Variants in RPS8 observed in about 807,000 individuals in gnomAD.
RPS8 encodes small ribosomal subunit protein eS8.
For missense variants in RPS8, 141 were observed against 269.7 expected, an observed-to-expected ratio of 0.52 and a Z score of 3.34; for synonymous variants, 100 against 100.7, an observed-to-expected ratio of 0.99 and a Z score of 0.04.
Position 44,777,743 on chromosome 1 carries a change from A to C in RPS8, c.341A>C (p.Glu114Ala). The C allele has an allele frequency of 6.2e-7, 1 of 1,614,038 alleles. No individual in the cohort carries two copies. The highest frequency in any genetic ancestry group is 1.7e-5 in the Admixed American group (1 of 60,030). Residue 114 changes from glutamate (E) to alanine (A), a missense_variant, in exon 4 of 6, where the codon GAG (glutamate) becomes GCG (alanine). Transcript: ENST00000396651. Reference protein sequence around the residue: ...IDSTPYRQWYESHYALPLGRK... With the variant: ...IDSTPYRQWYASHYALPLGRK... Reference sequence around the variant, plus strand: ...AGCACACCGTACCGACAGTGGTACGAGTCCCACTATGCGCTGCCCCTGGGC... The same window carrying C: ...AGCACACCGTACCGACAGTGGTACGCGTCCCACTATGCGCTGCCCCTGGGC...
chr1:44,776,210 T>G, intron 2 of RPS8, 70 bp downstream of exon 2: 1 of 1,121,358 alleles, frequency 8.9e-7, no homozygotes, highest in South Asian at 1.5e-5. Flanking sequence ...CTCGGGTCTT[T>G]CCGTGTGACA....
Position 44,777,734 on chromosome 1 carries a change from A to G in RPS8, c.332A>G (p.Gln111Arg). 6.2e-7 allele frequency: 1 copy of G among 1,614,132 alleles called. No individual in the cohort carries two copies. Among genetic ancestry groups the G allele is most frequent in the Non-Finnish European group, 8.5e-7 (1 of 1,179,946 alleles). Residue 111 changes from glutamine (Q) to arginine (R), a missense_variant, in exon 4 of 6, where the codon CAG (glutamine) becomes CGG (arginine). Physicochemically the swap from Gln to Arg is conservative, Grantham distance 43 (BLOSUM62 1). Transcript: ENST00000396651. ...IVLIDSTPYR[Q>R]WYESHYALPL... Reference sequence around the variant, plus strand: ...CTCATCGACAGCACACCGTACCGACAGTGGTACGAGTCCCACTATGCGCTG... The same window carrying G: ...CTCATCGACAGCACACCGTACCGACGGTGGTACGAGTCCCACTATGCGCTG...
Position 44,777,609 on chromosome 1 carries a change from A to G in RPS8, c.212-5A>G. The G allele has an allele frequency of 6.2e-7, 1 of 1,611,878 alleles. No homozygotes were observed. Among genetic ancestry groups the G allele is most frequent in the Non-Finnish European group, 8.5e-7 (1 of 1,178,350 alleles). On this transcript the variant is annotated splice_region_variant and splice_polypyrimidine_tract_variant and intron_variant, in intron 3 of 5. Coordinates refer to ENST00000396651, the MANE Select transcript of RPS8 (RefSeq NM_001012.2). ...TACTTGATGCCAAATTTCTCCTGTGAGCAGGTTGTACTCGTAAAACAAGGA... is the reference window on the plus strand; with the variant it reads ...TACTTGATGCCAAATTTCTCCTGTGGGCAGGTTGTACTCGTAAAACAAGGA...
At position 44,775,613 on chromosome 1, in the gene RPS8, C is replaced by A. The variant is rs12120833; in HGVS notation, c.4+13C>A. On this transcript the variant is annotated intron_variant, in intron 1 of 5. Coordinates refer to ENST00000396651, the MANE Select transcript of RPS8 (RefSeq NM_001012.2). ...CGCCGAGCGATGGGTGAGTGTCGCT[C>A]TGCATTGAGGCGGGTGAAGGGAGGT... 6.2e-7 allele frequency: 1 copy of A among 1,614,040 alleles called. No homozygotes were observed. The highest frequency in any genetic ancestry group is 8.5e-7 in the Non-Finnish European group (1 of 1,179,938).
intron 4 of RPS8, 34 bp downstream of exon 4, chr1:44,777,823 G>A: frequency 6.2e-7 from 1 of 1,610,246 alleles, no homozygotes; most frequent in South Asian, 1.1e-5. Flanking sequence ...GTTGTGGGGA[G>A]GGCAGCCTGA....
At chr1:44,776,914 G>C (rs1418273685) in intron 3 of RPS8, 140 bp downstream of exon 3, 1 of 584,118 alleles carries the variant, frequency 1.7e-6, no homozygotes, top group East Asian at 3.0e-5. Context: ...CTGAGGTCAG[G>C]AGTTCGAGTC....
chr1:44,777,866 G>C, intron 4 of RPS8, 77 bp downstream of exon 4: 1 of 1,578,812 alleles, frequency 6.3e-7, no homozygotes, highest in South Asian at 1.1e-5. Flanking sequence ...ACTCTGTCCA[G>C]TTCTGCTACT....
chr1:44,777,186 C>T (rs1650886950), intron 3 of RPS8: 1 of 209,752 alleles, frequency 4.8e-6, no homozygotes, highest in East Asian at 1.3e-4. Flanking sequence ...ATTCTCCTGC[C>T]TCAGCCTCCC....
chr1:44,776,699 G>C lies in RPS8; in HGVS notation c.136G>C (p.Val46Leu), dbSNP rs759612522. The C allele has an allele frequency of 6.2e-7, 1 of 1,614,028 alleles. No homozygotes were observed. The highest frequency in any genetic ancestry group is 8.5e-7 in the Non-Finnish European group (1 of 1,179,966). ...GATTGGCCCCCGCCGCATCCACACA[G>C]TCCGTGTGCGGGGAGGTAACAAGAA... ...TKIGPRRIHT[V>L]RVRGGNKKYR... The change falls in exon 3 of 6, where the codon GTC (valine) becomes CTC (leucine). Residue 46 changes from valine to leucine, a missense_variant. Val to Leu is a conservative substitution (Grantham distance 32, BLOSUM62 1). Coordinates refer to ENST00000396651, the MANE Select transcript of RPS8 (RefSeq NM_001012.2).
At chr1:44,775,875 A>G in intron 1 of RPS8, 159 bp from the exon 2 acceptor site, 1 of 838,236 alleles carries the variant, frequency 1.2e-6, no homozygotes, top group Non-Finnish European at 2.1e-6. Context: ...GTGTATGATG[A>G]CAACTCGGTA....
In RPS8 at chr1:44,776,718, A is replaced by G; in HGVS notation, c.155A>G (p.Asn52Ser). 6.2e-7 allele frequency: 1 copy of G among 1,613,764 alleles called. No homozygotes were observed. The highest frequency in any genetic ancestry group is 8.5e-7 in the Non-Finnish European group (1 of 1,179,896). The change falls in exon 3 of 6, where the codon AAC (asparagine) becomes AGC (serine). Residue 52 changes from asparagine to serine, a missense_variant. By Grantham distance (46) the Asn-to-Ser change is conservative. Coordinates refer to ENST00000396651, the MANE Select transcript of RPS8 (RefSeq NM_001012.2). ...RIHTVRVRGG[N>S]KKYRALRLDV... ...CACACAGTCCGTGTGCGGGGAGGTA[A>G]CAAGAAATACCGTGCCCTGAGGTTG...
chr1:44,777,464 T>C, intron 3 of RPS8, 150 bp from the exon 4 acceptor site: 4 of 656,890 alleles, frequency 6.1e-6, no homozygotes, highest in Non-Finnish European at 8.1e-6. Flanking sequence ...GTTAGGGGGT[T>C]GTGGAAGACG....
chr1:44,777,556 G>T, intron 3 of RPS8, 58 bp from the exon 4 acceptor site: 1 of 1,397,230 alleles, frequency 7.2e-7, no homozygotes. Context: ...ACCTGGAGGA[G>T]TGTGCCAGGG....
At position 44,776,018 on chromosome 1, in the gene RPS8, C is replaced by T. The variant is rs778824157; in HGVS notation, c.5-16C>T. 1.9e-6 allele frequency: 3 copies of T among 1,612,390 alleles called. No individual in the cohort carries two copies. Among genetic ancestry groups the T allele is most frequent in the South Asian group, 2.2e-5 (2 of 91,038 alleles). On this transcript the variant is annotated splice_polypyrimidine_tract_variant and intron_variant, in intron 1 of 5. Coordinates refer to ENST00000396651, the MANE Select transcript of RPS8 (RefSeq NM_001012.2). ...GTCACAGTGGCTCAAGCTTCCTTCC[C>T]CGCTTCCACATGCAGGCATCTCTCG... is the stretch of plus-strand genomic sequence containing the variant.
chr1:44,775,946 C>T lies in RPS8; in HGVS notation c.5-88C>T, dbSNP rs563274036. 120 of 1,257,690 alleles carry T rather than the reference C, an allele frequency of 9.5e-5. 2 individuals are homozygous for T. In the South Asian group the frequency reaches 1.4e-3, roughly 15 times the overall value. The allele number at this position is 1,257,690 out of a possible 1,614,324, so 77.9% of individuals were successfully genotyped here. On this transcript the variant is annotated intron_variant, in intron 1 of 5. Transcript: ENST00000396651. ...AACCTTGGAGAGCTGAGCGTGCGAC[C>T]GGCCCGGCGCGGGGGTCTCCGGGAG...
chr1:44,775,911 TG>T, intron 1 of RPS8, 122 bp from the exon 2 acceptor site: 1 of 941,888 alleles, frequency 1.1e-6, no homozygotes, highest in African/African-American at 1.6e-5. Flanking sequence ...GAGTGCGCGG[TG>T]GGGAAGCCAA....
chr1:44,778,215 GCCAGC>G, intron 5 of RPS8, 86 bp downstream of exon 5: 1 of 1,512,834 alleles, frequency 6.6e-7, no homozygotes, highest in Non-Finnish European at 9.1e-7. Context: ...TCCTTTGACT[GCCAGC>G]CATGCAGTCT....
intron 1 of RPS8, 58 bp from the exon 2 acceptor site, chr1:44,775,976 C>T (rs761360423): frequency 2.6e-6 from 4 of 1,530,400 alleles, no homozygotes; most frequent in Non-Finnish European, 3.6e-6. Flanking sequence ...CGGGAGCTGG[C>T]GAGTCGCTAG....
chr1:44,777,944 A>G, intron 4 of RPS8, 56 bp from the exon 5 acceptor site: 1 of 1,611,346 alleles, frequency 6.2e-7, no homozygotes, highest in Non-Finnish European at 8.5e-7. Context: ...GGTTCGAGAA[A>G]GCTCCCAGGG....
Sources: allele counts gnomAD v4.1 joint callset, GRCh38; gene constraint gnomAD v4.1.1; transcripts MANE v1.5; gene names NCBI Gene and HGNC (gene_info 2026-07-23, HGNC 2026-07-21).